DGKB: variants seen among roughly 807,000 people sequenced by gnomAD.
DGKB encodes the protein 90 kDa diacylglycerol kinase.
Under a neutral mutation model 114.3 loss-of-function variants are expected in DGKB, and 67 were observed. The observed-to-expected ratio is 0.59, with a 90% CI of 0.48 to 0.72. The LOEUF is 0.72. Among genes scored for constraint, DGKB ranks in the 30% least tolerant of loss-of-function variants. The pLI, the probability that DGKB is intolerant of heterozygous loss-of-function variation, is 0.00. For missense variants in DGKB, 907 were observed against 975.2 expected (o/e 0.93, Z 0.93); for synonymous variants, 398 against 323.1 (o/e 1.23, Z -2.49).
intron 20 of DGKB, among the ~76,000 whole-genome samples, chr7:14,524,678 C>A (rs1372374462): frequency 2.0e-5 from 3 of 150,992 alleles, no homozygotes; most frequent in African/African-American, 7.3e-5. Context: ...ATCTCTTGAG[C>A]CTGGGAGGCA....
intron 21 of DGKB, among the ~76,000 whole-genome samples, chr7:14,448,730 G>A (rs1319482792): frequency 1.3e-5 from 2 of 152,116 alleles, no homozygotes; most frequent in Non-Finnish European, 2.9e-5. Context: ...ACTAAAAAAC[G>A]GATACGTTAA....
chr7:14,415,731 A>C (rs551118681), intron 21 of DGKB, among the ~76,000 whole-genome samples: 1 of 152,146 alleles, frequency 6.6e-6, no homozygotes, highest in Non-Finnish European at 1.5e-5. Context: ...CAATAAACCT[A>C]CATGTGCATG....
intron 22 of DGKB, among the ~76,000 whole-genome samples, chr7:14,339,144 AGATT>A (rs1680128642): frequency 6.6e-6 from 1 of 151,982 alleles, no homozygotes; most frequent in African/African-American, 2.4e-5. Flanking sequence ...TACAGAAAGC[AGATT>A]GATGCCTCAT....
chr7:14,416,281 TG>T (rs1583773444), intron 21 of DGKB, among the ~76,000 whole-genome samples: 1 of 152,142 alleles, frequency 6.6e-6, no homozygotes, highest in Non-Finnish European at 1.5e-5. Context: ...AAAATTTCTA[TG>T]TTTTTTTCAG....
At chr7:14,696,921 T>G (rs553862399) in intron 8 of DGKB, among the ~76,000 whole-genome samples, 12 of 152,214 alleles carry the variant, frequency 7.9e-5, no homozygotes, top group Non-Finnish European at 1.6e-4. Context: ...ATTATCCTGT[T>G]GTTTACCGCA....
At chr7:14,193,900 A>T (rs1217189389) in intron 23 of DGKB, among the ~76,000 whole-genome samples, 6 of 152,120 alleles carry the variant, frequency 3.9e-5, no homozygotes, top group Non-Finnish European at 8.8e-5. Flanking sequence ...TTTAATAGAC[A>T]TTCTCAAAAG....
intron 21 of DGKB, among the ~76,000 whole-genome samples, chr7:14,408,391 T>C (rs1480577399): frequency 3.3e-5 from 5 of 152,204 alleles, no homozygotes; most frequent in Non-Finnish European, 7.4e-5. Context: ...ATGTGACCGG[T>C]ATGGTTCTAG....
At chr7:14,816,435 T>C (rs965605446) in intron 2 of DGKB, 6 of 152,228 alleles carry the variant, frequency 3.9e-5, no homozygotes, top group African/African-American at 9.6e-5. Flanking sequence ...CTCTTCTCCA[T>C]GTTGAATCCT....
intron 20 of DGKB, among the ~76,000 whole-genome samples, chr7:14,503,932 T>C (rs1283915111): frequency 6.6e-6 from 1 of 152,140 alleles, no homozygotes; most frequent in African/African-American, 2.4e-5. Context: ...TATTAACAAG[T>C]TCCTGAAACT....
chr7:14,271,911 A>T (rs1297951893), intron 23 of DGKB, among the ~76,000 whole-genome samples: 1 of 152,200 alleles, frequency 6.6e-6, no homozygotes, highest in Non-Finnish European at 1.5e-5. Flanking sequence ...GCTAATGAGG[A>T]TAAAGACAGT....
At chr7:14,789,048 C>CA (rs1051521268) in intron 2 of DGKB, among the ~76,000 whole-genome samples, 13 of 151,420 alleles carry the variant, frequency 8.6e-5, no homozygotes, top group Non-Finnish European at 1.5e-5. Flanking sequence ...ACCTTAAGCA[C>CA]AAAAAAGCTG....
intron 21 of DGKB, among the ~76,000 whole-genome samples, chr7:14,346,765 C>T (rs1049772548): frequency 6.6e-6 from 1 of 151,840 alleles, no homozygotes; most frequent in African/African-American, 2.4e-5. Context: ...AATTTACACA[C>T]TGAAGTCATG....
At chr7:14,734,400 G>A (rs1831401835) in intron 5 of DGKB, among the ~76,000 whole-genome samples, 1 of 152,048 alleles carries the variant, frequency 6.6e-6, no homozygotes, top group African/African-American at 2.4e-5. Flanking sequence ...CTAGACTTGT[G>A]GCTCTCCTGG....
At chr7:14,681,698 ATG>A (rs1365117111) in intron 12 of DGKB, among the ~76,000 whole-genome samples, 9 of 152,134 alleles carry the variant, frequency 5.9e-5, no homozygotes, top group South Asian at 2.1e-4. Context: ...ATTATTGAAA[ATG>A]TGTGATTCTA....
chr7:14,853,815 C>G (rs536718175), intron 1 of DGKB, among the ~76,000 whole-genome samples: 78 of 142,508 alleles, frequency 5.5e-4, no homozygotes, highest in African/African-American at 2.0e-3. Flanking sequence ...TTGCAGTGAG[C>G]CGAGATTGGG....
intron 12 of DGKB, among the ~76,000 whole-genome samples, chr7:14,675,808 G>C (rs1819758215): frequency 6.6e-6 from 1 of 151,958 alleles, no homozygotes; most frequent in African/African-American, 2.4e-5. Context: ...AATACCTTAT[G>C]CTTGTATTAA....
intron 23 of DGKB, among the ~76,000 whole-genome samples, chr7:14,219,395 A>G (rs1472524930): frequency 6.6e-6 from 1 of 151,840 alleles, no homozygotes; most frequent in Non-Finnish European, 1.5e-5. Context: ...CCAACAGGGT[A>G]TAAGGGTTAT....
chr7:14,804,070 G>GGTGTGTGTGT (rs34964846), intron 2 of DGKB, among the ~76,000 whole-genome samples: 132 of 146,606 alleles, frequency 9.0e-4, no homozygotes, highest in East Asian at 2.2e-3. Context: ...TCACTTTTTG[G>GGTGTGTGTGT]GTGTGTGTGT....
chr7:14,902,459 C>T (rs1392127178), intron 1 of DGKB, 133 bp downstream of exon 1: 1 of 152,168 alleles, frequency 6.6e-6, no homozygotes, highest in African/African-American at 2.4e-5. Context: ...GGAGACGAAC[C>T]GATTTAACAT....
Sources: gnomAD v4.1 joint callset for allele counts (sites outside exome capture counted in the v4.1 genomes callset) on GRCh38, gnomAD v4.1.1 for gene constraint, MANE v1.5 for transcripts, NCBI Gene and HGNC (gene_info 2026-07-23, HGNC 2026-07-21) for gene names.